Variants in LRRC53 observed in about 807,000 individuals in gnomAD.
LRRC53 encodes the protein leucine rich repeat containing 53, also known as leucine-rich repeat-containing protein 53.
LRRC53 carries 25 observed loss-of-function variants against 13.6 expected under a neutral mutation model. The ratio of observed to expected loss-of-function variants is 1.83; its 90% CI spans 1.34 to 2.56. The LOEUF is 2.56. LRRC53 is among the 30% of genes most tolerant of loss of function. The pLI is 0.00. For missense variants in LRRC53, 527 were observed against 275.8 expected, an observed-to-expected ratio of 1.91 and a Z score of -6.45; for synonymous variants, 204 against 109.8, an observed-to-expected ratio of 1.86 and a Z score of -5.37.
At chr1:74,532,666 C>T in the LRRC53 span, among the ~76,000 whole-genome samples, 1 of 151,564 alleles carries the variant, frequency 6.6e-6, no homozygotes, top group Non-Finnish European at 1.5e-5. Context: ...TGATGTTCCC[C>T]TCCCTGTGTC....
chr1:74,502,953 T>C (rs751173571), intron 1 of LRRC53, among the ~76,000 whole-genome samples: 2 of 152,234 alleles, frequency 1.3e-5, no homozygotes, highest in Non-Finnish European at 2.9e-5. Flanking sequence ...GATGAACTTC[T>C]TCCTTCTAGG....
chr1:74,507,526 C>T (rs1295842973), intron 1 of LRRC53, among the ~76,000 whole-genome samples: 1 of 152,114 alleles, frequency 6.6e-6, no homozygotes, highest in Non-Finnish European at 1.5e-5. Context: ...TATCACAATG[C>T]TTGGCATATA....
chr1:74,477,777 C>T (rs188119667), intron 3 of LRRC53, among the ~76,000 whole-genome samples: 3 of 152,048 alleles, frequency 2.0e-5, no homozygotes, highest in Non-Finnish European at 2.9e-5. Flanking sequence ...TGTAGGCAGG[C>T]GGAATGTGCT....
intron 2 of LRRC53, among the ~76,000 whole-genome samples, chr1:74,481,893 G>A (rs1025523947): frequency 5.3e-5 from 8 of 152,214 alleles, no homozygotes; most frequent in African/African-American, 1.9e-4. Flanking sequence ...TCAACCCCAG[G>A]GAAGCAAATC....
At chr1:74,510,890 C>CTT (rs1195105886) in intron 1 of LRRC53, among the ~76,000 whole-genome samples, 1 of 152,098 alleles carries the variant, frequency 6.6e-6, no homozygotes, top group Non-Finnish European at 1.5e-5. Context: ...ACTGAATATG[C>CTT]TTTTTTTCTT....
At chr1:74,502,735 C>T (rs1398107288) in intron 1 of LRRC53, among the ~76,000 whole-genome samples, 1 of 152,176 alleles carries the variant, frequency 6.6e-6, no homozygotes, top group African/African-American at 2.4e-5. Flanking sequence ...AGCCACTTTG[C>T]CTCAGCTTAT....
At chr1:74,497,386 C>T (rs1258474581) in intron 1 of LRRC53, among the ~76,000 whole-genome samples, 3 of 152,028 alleles carry the variant, frequency 2.0e-5, no homozygotes, top group Admixed American at 1.3e-4. Context: ...CAAATATTCC[C>T]TTTTCTTCCA....
intron 1 of LRRC53, among the ~76,000 whole-genome samples, chr1:74,505,974 TA>T (rs938660863): frequency 3.2e-4 from 49 of 152,248 alleles, no homozygotes; most frequent in African/African-American, 8.2e-4. Flanking sequence ...AAAGAGAAAG[TA>T]AAAAAATGAA....
intron 1 of LRRC53, among the ~76,000 whole-genome samples, chr1:74,507,313 C>A (rs1021825183): frequency 1.4e-5 from 2 of 147,368 alleles, no homozygotes; most frequent in Non-Finnish European, 3.0e-5. Flanking sequence ...AGGAAGTTGT[C>A]CTAAATACCC....
intron 3 of LRRC53, among the ~76,000 whole-genome samples, chr1:74,479,858 G>T (rs1473059860): frequency 2.0e-5 from 3 of 152,186 alleles, no homozygotes; most frequent in Non-Finnish European, 4.4e-5. Flanking sequence ...TATACACAAG[G>T]AAACTAAAGT....
intron 1 of LRRC53, among the ~76,000 whole-genome samples, chr1:74,488,773 A>G (rs1668892888): frequency 6.6e-6 from 1 of 152,210 alleles, no homozygotes; most frequent in East Asian, 1.9e-4. Context: ...TGATCTTTTC[A>G]AAAGTGAAGT....
Position 74,471,142 on chromosome 1 carries a change from T to A in LRRC53, c.2480A>T (p.Tyr827Phe), listed in dbSNP as rs1667913033. ...VNQSSIESSC[Y>F]SAGHIPDGNT... ...TCCATCAGGAATGTGGCCAGCTGAGTAACAGCTGCTTTCTATAGAGCTCTG... is the reference window on the plus strand; with the variant it reads ...TCCATCAGGAATGTGGCCAGCTGAGAAACAGCTGCTTTCTATAGAGCTCTG... Residue 827 changes from tyrosine to phenylalanine, a missense_variant, in exon 5 of 5, where the codon TAC (tyrosine) becomes TTC (phenylalanine). Tyr to Phe is a conservative substitution (Grantham distance 22). Coordinates refer to ENST00000294635, the MANE Select transcript of LRRC53 (RefSeq NM_001382280.1). 2.5e-6 allele frequency: 1 copy of A among 400,628 alleles called. No individual in the cohort carries two copies. Among genetic ancestry groups the A allele is most frequent in the Admixed American group, 4.4e-5 (1 of 22,718 alleles). The allele number at this position is 400,628 out of a possible 1,614,324, so 24.8% of individuals were successfully genotyped here.
At chr1:74,481,012 T>G in intron 2 of LRRC53, 44 bp from the exon 3 acceptor site, 3 of 664,074 alleles carry the variant, frequency 4.5e-6, no homozygotes, top group Non-Finnish European at 8.4e-6. Context: ...TACACATGAG[T>G]GGGAGGGAGG....
chr1:74,524,725 G>A, the LRRC53 span, among the ~76,000 whole-genome samples: 53 of 151,482 alleles, frequency 3.5e-4, no homozygotes, highest in Non-Finnish European at 1.9e-4. Context: ...ATTCTAATGT[G>A]AGAAGAGTGA....
rs1253851288 is a variant in LRRC53 at position 74,470,268 on chromosome 1, A to G, written c.3354T>C (p.Asn1118=). Residue 1118 remains asparagine, a synonymous_variant, in exon 5 of 5, where the codon AAT becomes AAC. Transcript: ENST00000294635. ...GTAATATATATTTTTCACTTGTTCC[A>G]TTTTCCCAAGTTTGCTGCCTTTCTT... ...ITKERQQTWE[N]GTSEKYILHD... The G allele has an allele frequency of 2.5e-6, 1 of 400,472 alleles. No homozygotes were observed. Among genetic ancestry groups the G allele is most frequent in the Non-Finnish European group, 4.4e-6 (1 of 226,158 alleles). 24.8% of individuals were successfully genotyped at this position (400,472 alleles called of 1,614,324 possible).
chr1:74,499,497 T>G (rs1002839689), intron 1 of LRRC53, among the ~76,000 whole-genome samples: 3 of 152,296 alleles, frequency 2.0e-5, no homozygotes, highest in African/African-American at 7.2e-5. Context: ...ATTGTCAATC[T>G]CTCATTGTGC....
At position 74,481,047 on chromosome 1, in the gene LRRC53, A is replaced by C. The variant is rs907500935; in HGVS notation, c.89-79T>G. On this transcript the variant is annotated intron_variant, in intron 2 of 4. Transcript: ENST00000294635. ...GGGGTATGGTGGAGAGCAGAGAATC[A>C]ATATCCTCTGAGCAATCTTATCACC... The C allele has an allele frequency of 3.4e-5, 21 of 623,658 alleles. No homozygotes were observed. In the African/African-American group the frequency reaches 3.7e-4, roughly 11 times the overall value. The allele number at this position is 623,658 out of a possible 1,614,324, so 38.6% of individuals were successfully genotyped here.
At chr1:74,486,492 G>GTT (rs1370637601) in intron 1 of LRRC53, among the ~76,000 whole-genome samples, 2 of 117,748 alleles carry the variant, frequency 1.7e-5, no homozygotes, top group Admixed American at 1.9e-4. Context: ...TTTTGTGTGT[G>GTT]TTTTTTGTTT....
chr1:74,520,343 T>C, the LRRC53 span, among the ~76,000 whole-genome samples: 1 of 152,198 alleles, frequency 6.6e-6, no homozygotes, highest in African/African-American at 2.4e-5. Flanking sequence ...TTCCGACTTT[T>C]CTGAAGAATT....
Sources: gnomAD v4.1 joint callset for allele counts (sites outside exome capture counted in the v4.1 genomes callset) on GRCh38, gnomAD v4.1.1 for gene constraint, MANE v1.5 for transcripts, NCBI Gene and HGNC (gene_info 2026-07-23, HGNC 2026-07-21) for gene names.